The following KCNQ5 variants were observed in gnomAD, a reference collection of about 807,000 sequenced individuals.
KCNQ5 encodes the protein potassium voltage-gated channel subfamily Q member 5, also known as potassium voltage-gated channel subfamily KQT member 5.
In KCNQ5, 30 loss-of-function variants were observed where a neutral mutation model predicts 98.2. That is an observed-to-expected ratio of 0.31 (90% CI 0.23 to 0.41). The LOEUF (loss-of-function observed/expected upper bound fraction) is 0.41, where lower values mean the gene tolerates loss of function less well. KCNQ5 is among the 10% of genes least tolerant of loss of function. The pLI, the probability that KCNQ5 is intolerant of heterozygous loss-of-function variation, is 1.00. For synonymous variants in KCNQ5, 458 were observed against 449.4 expected (o/e 1.02, Z -0.24); for missense variants, 835 against 1,182.5 (o/e 0.71, Z 4.31).
chr6:72,966,410 A>C (rs1473720664), intron 1 of KCNQ5, among the ~76,000 whole-genome samples: 1 of 151,750 alleles, frequency 6.6e-6, no homozygotes, highest in East Asian at 1.9e-4. Flanking sequence ...AATAACAAAA[A>C]AAAAAAAAAT....
intron 1 of KCNQ5, among the ~76,000 whole-genome samples, chr6:72,640,575 T>C (rs1329182532): frequency 2.0e-5 from 3 of 152,188 alleles, no homozygotes; most frequent in African/African-American, 7.2e-5. Context: ...AAAAGATTTT[T>C]CTTCAGAAAT....
chr6:72,982,858 C>T (rs1768539576), intron 1 of KCNQ5, among the ~76,000 whole-genome samples: 2 of 152,188 alleles, frequency 1.3e-5, no homozygotes, highest in Non-Finnish European at 2.9e-5. Flanking sequence ...TCTTGTCAGG[C>T]AGGCCTGGTG....
At chr6:72,668,750 TC>T (rs1265010650) in intron 1 of KCNQ5, among the ~76,000 whole-genome samples, 1 of 142,016 alleles carries the variant, frequency 7.0e-6, no homozygotes, top group African/African-American at 2.5e-5. Context: ...ATGTGCTCTC[TC>T]CCCACCATGT....
chr6:73,022,775 T>C (rs1770663822), intron 2 of KCNQ5, among the ~76,000 whole-genome samples: 1 of 152,144 alleles, frequency 6.6e-6, no homozygotes, highest in Non-Finnish European at 1.5e-5. Context: ...CCACTGGCAA[T>C]TGAAGGAAGC....
chr6:73,038,705 T>G (rs578038610), intron 2 of KCNQ5, among the ~76,000 whole-genome samples: 1 of 152,198 alleles, frequency 6.6e-6, no homozygotes, highest in South Asian at 2.1e-4. Flanking sequence ...CTGGAATAAA[T>G]CCTACTTGCC....
intron 1 of KCNQ5, among the ~76,000 whole-genome samples, chr6:72,835,939 C>T (rs1473451570): frequency 6.6e-6 from 1 of 152,172 alleles, no homozygotes; most frequent in African/African-American, 2.4e-5. Context: ...CACATTCACA[C>T]ATCACACTGG....
chr6:73,113,853 A>G (rs1775366793), intron 7 of KCNQ5, among the ~76,000 whole-genome samples: 1 of 152,254 alleles, frequency 6.6e-6, no homozygotes, highest in Non-Finnish European at 1.5e-5. Flanking sequence ...TGTAACATAT[A>G]TTGTGATCAG....
At chr6:72,928,650 TCTAG>T (rs948254407) in intron 1 of KCNQ5, among the ~76,000 whole-genome samples, 4 of 152,050 alleles carry the variant, frequency 2.6e-5, no homozygotes, top group African/African-American at 9.7e-5. Flanking sequence ...AAAACAAATC[TCTAG>T]CTAGCTAGCT....
chr6:72,644,841 A>C (rs895671475), intron 1 of KCNQ5, among the ~76,000 whole-genome samples: 1 of 152,098 alleles, frequency 6.6e-6, no homozygotes, highest in Non-Finnish European at 1.5e-5. Flanking sequence ...GCATTTTCTG[A>C]AGAACTCTAG....
At chr6:72,832,133 A>G (rs954473410) in intron 1 of KCNQ5, among the ~76,000 whole-genome samples, 2 of 152,110 alleles carry the variant, frequency 1.3e-5, no homozygotes, top group African/African-American at 4.8e-5. Flanking sequence ...TGGACTAAAG[A>G]TGCATATTTG....
intron 2 of KCNQ5, among the ~76,000 whole-genome samples, chr6:73,018,488 T>C (rs540766901): frequency 6.6e-6 from 1 of 152,096 alleles, no homozygotes; most frequent in East Asian, 1.9e-4. Flanking sequence ...CTTAAGTCAC[T>C]TCTGCAGTTT....
At chr6:73,063,686 T>TAGATAGATAGATAGATAGATAGATGATA (rs55995543) in intron 3 of KCNQ5, among the ~76,000 whole-genome samples, 6 of 93,286 alleles carry the variant, frequency 6.4e-5, no homozygotes, top group South Asian at 4.6e-4. Flanking sequence ...GATAGATAGA[T>TAGATAGATAGATAGATAGATAGATGATA]GATAGATAGA....
At chr6:72,806,503 A>T (rs981958620) in intron 1 of KCNQ5, among the ~76,000 whole-genome samples, 2 of 152,192 alleles carry the variant, frequency 1.3e-5, no homozygotes, top group African/African-American at 4.8e-5. Context: ...GGTCAGTTCA[A>T]CAAAAGCCTT....
chr6:72,916,107 T>G (rs1203653944), intron 1 of KCNQ5, among the ~76,000 whole-genome samples: 4 of 152,202 alleles, frequency 2.6e-5, no homozygotes, highest in African/African-American at 4.8e-5. Context: ...AAAATTCATT[T>G]TTAATGGTAA....
intron 1 of KCNQ5, among the ~76,000 whole-genome samples, chr6:72,678,154 T>C (rs1216927129): frequency 6.6e-6 from 1 of 152,228 alleles, no homozygotes; most frequent in Non-Finnish European, 1.5e-5. Flanking sequence ...CTTGCTTCTC[T>C]AGCTGAAATC....
At chr6:73,165,742 C>T (rs1392229434) in intron 10 of KCNQ5, among the ~76,000 whole-genome samples, 4 of 151,792 alleles carry the variant, frequency 2.6e-5, no homozygotes, top group South Asian at 2.1e-4. Flanking sequence ...GTCAGGAGTT[C>T]GAGACCAGCC....
At position 72,954,576 on chromosome 6, in the gene KCNQ5, C is replaced by T. The variant is rs565522917; in HGVS notation, c.399-49332C>T. Among the ~76,000 whole-genome samples the T allele has an allele frequency of 5.1e-4, 78 of 151,662 alleles. No homozygotes were observed. In the South Asian group the frequency reaches 7.3e-3, roughly 14 times the overall value. On this transcript the variant is annotated intron_variant, in intron 1 of 13. Coordinates refer to ENST00000370398, the MANE Select transcript of KCNQ5 (RefSeq NM_019842.4). ...GTGTGTGTGTGTGTTGATAAAAACT[C>T]TCACTTCTAGTAAACTTAGGATAAT...
intron 1 of KCNQ5, among the ~76,000 whole-genome samples, chr6:72,783,167 T>G (rs1355597128): frequency 6.6e-6 from 1 of 152,194 alleles, no homozygotes; most frequent in Non-Finnish European, 1.5e-5. Flanking sequence ...CCTAGAGTTG[T>G]GTCCTTCAGG....
chr6:72,821,488 G>T (rs1209811594), intron 1 of KCNQ5, among the ~76,000 whole-genome samples: 1 of 152,040 alleles, frequency 6.6e-6, no homozygotes, highest in Non-Finnish European at 1.5e-5. Flanking sequence ...ATTAGTTCTT[G>T]TTACTATGGA....
Sources: allele counts gnomAD v4.1 joint callset (sites outside exome capture counted in the v4.1 genomes callset), GRCh38; gene constraint gnomAD v4.1.1; transcripts MANE v1.5; gene names NCBI Gene and HGNC (gene_info 2026-07-23, HGNC 2026-07-21).